Variants in LRRTM4 observed in about 807,000 individuals in gnomAD.
LRRTM4 encodes the protein leucine-rich repeat transmembrane neuronal protein 4.
A neutral mutation model predicts 47.6 loss-of-function variants in LRRTM4; 25 were observed. That is an observed-to-expected ratio of 0.53 (90% CI 0.38 to 0.73). LRRTM4 has a LOEUF of 0.73. LRRTM4 is among the 30% of genes least tolerant of loss of function. The pLI is 0.00. For synonymous variants in LRRTM4, 311 were observed against 269.5 expected (o/e 1.15, Z -1.51); for missense variants, 638 against 713.4 (o/e 0.89, Z 1.20).
chr2:77,407,718 TTATATTA>T lies in LRRTM4; in HGVS notation c.1551+110593_1551+110599del, dbSNP rs199895931. Among the ~76,000 whole-genome samples, 299 of 140,024 alleles carry T rather than the reference TTATATTA, an allele frequency of 2.1e-3. 1 individual carries two copies. The highest frequency in any genetic ancestry group is 7.3e-3 in the African/African-American group (275 of 37,512). The allele number at this position is 140,024 out of a possible 152,430, so 91.9% of individuals were successfully genotyped here. On this transcript the variant is annotated intron_variant, in intron 3 of 3. Coordinates refer to ENST00000409884, the MANE Select transcript of LRRTM4 (RefSeq NM_001134745.3). ...TATGATATATATAATATATCATATA[TTATATTA>T]TATATTATATATTATATTCTATTAT...
At chr2:77,280,589 T>A (rs753065920) in intron 3 of LRRTM4, among the ~76,000 whole-genome samples, 22 of 151,950 alleles carry the variant, frequency 1.4e-4, no homozygotes, top group Non-Finnish European at 3.2e-4. Context: ...AAGGGTGTAA[T>A]TTTGAAATTA....
intron 3 of LRRTM4, among the ~76,000 whole-genome samples, chr2:76,932,827 TC>T (rs1573332012): frequency 6.6e-6 from 1 of 151,772 alleles, no homozygotes; most frequent in Admixed American, 6.6e-5. Context: ...AATGATGTGT[TC>T]TTTTTTTGGT....
intron 3 of LRRTM4, among the ~76,000 whole-genome samples, chr2:77,289,885 C>G (rs2104124931): frequency 6.6e-6 from 1 of 152,052 alleles, no homozygotes; most frequent in Non-Finnish European, 1.5e-5. Context: ...CCTCTTGGCC[C>G]CTGTCTCCCA....
intron 3 of LRRTM4, among the ~76,000 whole-genome samples, chr2:76,830,628 TTTTATA>T (rs1261358690): frequency 1.3e-5 from 2 of 151,752 alleles, no homozygotes; most frequent in African/African-American, 2.4e-5. Context: ...AATTTTAAGA[TTTTATA>T]TTTATATTAA....
intron 3 of LRRTM4, among the ~76,000 whole-genome samples, chr2:77,411,688 T>G (rs569090380): frequency 2.8e-5 from 4 of 143,016 alleles, no homozygotes; most frequent in Non-Finnish European, 6.0e-5. Flanking sequence ...GCCAGGATGG[T>G]CTCGATCTCC....
intron 3 of LRRTM4, among the ~76,000 whole-genome samples, chr2:76,825,863 G>A (rs1671176572): frequency 6.6e-6 from 1 of 151,544 alleles, no homozygotes; most frequent in Non-Finnish European, 1.5e-5. Context: ...CAAGCACTAA[G>A]ACAGGAGGCA....
At chr2:76,940,668 T>C (rs764813065) in intron 3 of LRRTM4, among the ~76,000 whole-genome samples, 2 of 152,162 alleles carry the variant, frequency 1.3e-5, no homozygotes, top group Non-Finnish European at 2.9e-5. Flanking sequence ...AATATTTTGT[T>C]GTTGTTGTTC....
At chr2:76,914,383 TAA>T (rs1674174453) in intron 3 of LRRTM4, among the ~76,000 whole-genome samples, 1 of 152,152 alleles carries the variant, frequency 6.6e-6, no homozygotes, top group Admixed American at 6.5e-5. Context: ...ATAAATTATA[TAA>T]ACTGCATTCC....
At chr2:77,189,290 T>C (rs184804095) in intron 3 of LRRTM4, among the ~76,000 whole-genome samples, 81 of 152,286 alleles carry the variant, frequency 5.3e-4, no homozygotes, top group African/African-American at 1.9e-3. Context: ...ATAACAAGGA[T>C]GGTTGAAAGA....
intron 3 of LRRTM4, among the ~76,000 whole-genome samples, chr2:77,216,739 C>T (rs1026397891): frequency 2.6e-5 from 4 of 151,774 alleles, no homozygotes; most frequent in African/African-American, 7.3e-5. Flanking sequence ...CATATTTCGG[C>T]GGCTTTCAGA....
intron 3 of LRRTM4, among the ~76,000 whole-genome samples, chr2:77,461,567 G>A (rs1676790311): frequency 6.6e-6 from 1 of 152,016 alleles, no homozygotes; most frequent in Non-Finnish European, 1.5e-5. Flanking sequence ...AGTAATCATA[G>A]GAATATCATA....
At chr2:77,102,154 A>G (rs1179659125) in intron 3 of LRRTM4, among the ~76,000 whole-genome samples, 3 of 152,160 alleles carry the variant, frequency 2.0e-5, no homozygotes, top group African/African-American at 4.8e-5. Flanking sequence ...GACAATTGGA[A>G]TACTAATCAG....
chr2:77,472,887 T>C (rs1487234560), intron 3 of LRRTM4, among the ~76,000 whole-genome samples: 1 of 152,114 alleles, frequency 6.6e-6, no homozygotes, highest in East Asian at 1.9e-4. Flanking sequence ...CAAGTCAATA[T>C]CAGGTATATA....
At position 76,931,977 on chromosome 2, in the gene LRRTM4, A is replaced by G. The variant is rs150333059; in HGVS notation, c.1552-183061T>C. ...AAAAACAGGGTTTTAAGACTAAACA[A>G]AAAATGTATTTCCACAAGATATTTG... On this transcript the variant is annotated intron_variant, in intron 3 of 3. Coordinates refer to ENST00000409884, the MANE Select transcript of LRRTM4 (RefSeq NM_001134745.3). Among the ~76,000 whole-genome samples, 759 of 152,272 alleles carry G rather than the reference A, an allele frequency of 5.0e-3. 12 individuals are homozygous for G. The highest frequency in any genetic ancestry group is 0.017 in the African/African-American group (712 of 41,576).
At chr2:77,360,957 A>T (rs2104315522) in intron 3 of LRRTM4, among the ~76,000 whole-genome samples, 1 of 152,124 alleles carries the variant, frequency 6.6e-6, no homozygotes, top group South Asian at 2.1e-4. Flanking sequence ...CATACCCACC[A>T]TTTATCCCAG....
At chr2:76,774,108 A>G (rs992991423) in intron 3 of LRRTM4, among the ~76,000 whole-genome samples, 3 of 152,142 alleles carry the variant, frequency 2.0e-5, no homozygotes, top group Non-Finnish European at 4.4e-5. Flanking sequence ...AACATAGTCA[A>G]TATATATTTT....
At chr2:76,808,780 G>T (rs1415278506) in intron 3 of LRRTM4, among the ~76,000 whole-genome samples, 2 of 152,046 alleles carry the variant, frequency 1.3e-5, no homozygotes, top group Non-Finnish European at 2.9e-5. Context: ...ATTCCATCAG[G>T]AAACTCAGAA....
chr2:77,015,875 G>C (rs1257200172), intron 3 of LRRTM4, among the ~76,000 whole-genome samples: 2 of 151,788 alleles, frequency 1.3e-5, no homozygotes, highest in East Asian at 3.9e-4. Flanking sequence ...CCCAGCACTT[G>C]AGAGTCTGAG....
chr2:77,183,597 T>C (rs992265732), intron 3 of LRRTM4, among the ~76,000 whole-genome samples: 1 of 152,144 alleles, frequency 6.6e-6, no homozygotes, highest in Non-Finnish European at 1.5e-5. Flanking sequence ...ACCCAAAGGA[T>C]TATAAATCAT....
Sources: gnomAD v4.1 joint callset for allele counts (sites outside exome capture counted in the v4.1 genomes callset) on GRCh38, gnomAD v4.1.1 for gene constraint, MANE v1.5 for transcripts, NCBI Gene and HGNC (gene_info 2026-07-23, HGNC 2026-07-21) for gene names.